Variants in LRRTM4 observed in about 807,000 individuals in gnomAD.
The protein encoded by LRRTM4 is leucine rich repeat transmembrane neuronal 4.
A neutral mutation model predicts 47.6 loss-of-function variants in LRRTM4; 25 were observed. The ratio of observed to expected loss-of-function variants is 0.53; its 90% confidence interval spans 0.38 to 0.73. The LOEUF (loss-of-function observed/expected upper bound fraction) is 0.73. Among genes scored for constraint, LRRTM4 ranks in the 30% least tolerant of loss-of-function variants. The pLI, the probability that LRRTM4 is intolerant of heterozygous loss-of-function variation, is 0.00. For missense variants in LRRTM4, 638 were observed against 713.4 expected (o/e 0.89, Z 1.20); for synonymous variants, 311 against 269.5 (o/e 1.15, Z -1.51).
intron 3 of LRRTM4, among the ~76,000 whole-genome samples, chr2:76,835,172 C>T (rs57951663): frequency 0.032 from 4,921 of 152,094 alleles, 262 homozygotes; most frequent in African/African-American, 0.11. Flanking sequence ...AAACAGAGCT[C>T]ATTCTTTAAA....
At chr2:76,958,363 C>T (rs1251206636) in intron 3 of LRRTM4, among the ~76,000 whole-genome samples, 1 of 151,698 alleles carries the variant, frequency 6.6e-6, no homozygotes, top group Non-Finnish European at 1.5e-5. Context: ...TTTTCCAACT[C>T]GAAGATAGAT....
At chr2:77,425,704 T>C (rs1281567501) in intron 3 of LRRTM4, among the ~76,000 whole-genome samples, 1 of 152,230 alleles carries the variant, frequency 6.6e-6, no homozygotes, top group Admixed American at 6.5e-5. Flanking sequence ...CACTGCCTCC[T>C]TGACAAAGTC....
At chr2:77,221,148 CA>C (rs1674616041) in intron 3 of LRRTM4, among the ~76,000 whole-genome samples, 1 of 148,764 alleles carries the variant, frequency 6.7e-6, no homozygotes, top group African/African-American at 2.5e-5. Context: ...TACAGACAAG[CA>C]AATGCTGAGA....
intron 3 of LRRTM4, among the ~76,000 whole-genome samples, chr2:77,040,565 A>C (rs1008768048): frequency 6.6e-6 from 1 of 151,382 alleles, no homozygotes; most frequent in African/African-American, 2.4e-5. Flanking sequence ...AGTAGAGCAA[A>C]ATACTGTGGA....
chr2:77,252,681 A>G (rs1050468714), intron 3 of LRRTM4, among the ~76,000 whole-genome samples: 5 of 152,190 alleles, frequency 3.3e-5, no homozygotes, highest in African/African-American at 9.6e-5. Flanking sequence ...GGAGAAAAGC[A>G]TCACTGTCTC....
chr2:77,017,550 C>T (rs574264845), intron 3 of LRRTM4, among the ~76,000 whole-genome samples: 2 of 152,122 alleles, frequency 1.3e-5, no homozygotes, highest in South Asian at 4.2e-4. Context: ...AAGTAGTGGC[C>T]ACATCTCTCA....
chr2:76,901,694 G>A (rs72921662), intron 3 of LRRTM4, among the ~76,000 whole-genome samples: 4,143 of 152,206 alleles, frequency 0.027, 181 homozygotes, highest in African/African-American at 0.086. Flanking sequence ...TCGGAGACCA[G>A]AAAACAACTC....
intron 3 of LRRTM4, among the ~76,000 whole-genome samples, chr2:77,267,606 A>C (rs1475118203): frequency 6.6e-6 from 1 of 152,140 alleles, no homozygotes; most frequent in East Asian, 1.9e-4. Flanking sequence ...TTTTAACATG[A>C]GTTTTGGAGA....
intron 3 of LRRTM4, among the ~76,000 whole-genome samples, chr2:76,843,209 G>T (rs1029020600): frequency 1.3e-5 from 2 of 152,194 alleles, no homozygotes; most frequent in East Asian, 3.9e-4. Flanking sequence ...GAAGAGAGAG[G>T]AAACAAGGGA....
chr2:76,885,712 G>A (rs912585239), intron 3 of LRRTM4, among the ~76,000 whole-genome samples: 1 of 151,932 alleles, frequency 6.6e-6, no homozygotes, highest in Non-Finnish European at 1.5e-5. Flanking sequence ...TGATCCGCCC[G>A]CCTCGGCCTC....
intron 3 of LRRTM4, among the ~76,000 whole-genome samples, chr2:77,027,321 G>T (rs75615775): frequency 6.6e-6 from 1 of 152,040 alleles, no homozygotes; most frequent in Non-Finnish European, 1.5e-5. Flanking sequence ...TAGAGGAGAT[G>T]AATTAAATAA....
At chr2:77,158,108 C>T (rs1558610028) in intron 3 of LRRTM4, among the ~76,000 whole-genome samples, 1 of 152,030 alleles carries the variant, frequency 6.6e-6, no homozygotes, top group Non-Finnish European at 1.5e-5. Flanking sequence ...ATAGTGATTA[C>T]TTATGGAGAG....
At chr2:77,365,526 T>C (rs1672408042) in intron 3 of LRRTM4, among the ~76,000 whole-genome samples, 1 of 151,932 alleles carries the variant, frequency 6.6e-6, no homozygotes, top group African/African-American at 2.4e-5. Flanking sequence ...TTGTAAGAAC[T>C]CCACGTATGT....
intron 3 of LRRTM4, among the ~76,000 whole-genome samples, chr2:77,018,720 C>T (rs1162810325): frequency 1.3e-5 from 2 of 152,068 alleles, no homozygotes; most frequent in African/African-American, 4.8e-5. Context: ...AGAAAACTTT[C>T]TAACTAAAGA....
At chr2:76,901,728 T>C (rs989564967) in intron 3 of LRRTM4, among the ~76,000 whole-genome samples, 2 of 152,098 alleles carry the variant, frequency 1.3e-5, no homozygotes, top group Non-Finnish European at 2.9e-5. Flanking sequence ...TGAGTACCCT[T>C]TTACTATCTC....
intron 3 of LRRTM4, among the ~76,000 whole-genome samples, chr2:77,481,410 A>G (rs973812485): frequency 1.8e-4 from 27 of 152,182 alleles, no homozygotes; most frequent in Non-Finnish European, 3.1e-4. Flanking sequence ...AAGGCAATAC[A>G]TTAGTCTCCC....
chr2:77,201,182 A>G (rs1673964298), intron 3 of LRRTM4, among the ~76,000 whole-genome samples: 1 of 152,084 alleles, frequency 6.6e-6, no homozygotes, highest in South Asian at 2.1e-4. Context: ...GAAATTAAAA[A>G]CCTTTAAATA....
chr2:76,904,146 T>G (rs368384057), intron 3 of LRRTM4, among the ~76,000 whole-genome samples: 1 of 152,206 alleles, frequency 6.6e-6, no homozygotes, highest in Non-Finnish European at 1.5e-5. Flanking sequence ...CATAGTATAA[T>G]TGAGACTCAG....
At chr2:77,296,353 T>C (rs1676972316) in intron 3 of LRRTM4, among the ~76,000 whole-genome samples, 1 of 152,172 alleles carries the variant, frequency 6.6e-6, no homozygotes. Flanking sequence ...TGTATTTCTT[T>C]TTTGAAGGTG....
Sources: gnomAD v4.1 joint callset for allele counts (sites outside exome capture counted in the v4.1 genomes callset) on GRCh38, gnomAD v4.1.1 for gene constraint, MANE v1.5 for transcripts, NCBI Gene and HGNC (gene_info 2026-07-23, HGNC 2026-07-21) for gene names.